Variants in UNC5B observed in about 807,000 individuals in gnomAD.
UNC5B encodes the protein unc-5 netrin receptor B, also known as netrin receptor UNC5B.
A neutral mutation model predicts 103.7 loss-of-function variants in UNC5B; 56 were observed. The observed-to-expected ratio is 0.54, with a 90% CI of 0.44 to 0.67. The LOEUF is 0.67. UNC5B is among the 30% of genes least tolerant of loss of function. The pLI, the probability that UNC5B is intolerant of heterozygous loss-of-function variation, is 0.00. For missense variants in UNC5B, 1,194 were observed against 1,284.5 expected, an observed-to-expected ratio of 0.93 and a Z score of 1.08; for synonymous variants, 577 against 542.0, an observed-to-expected ratio of 1.06 and a Z score of -0.90.
At chr10:71,255,600 C>T (rs1844272669) in intron 1 of UNC5B, among the ~76,000 whole-genome samples, 3 of 152,188 alleles carry the variant, frequency 2.0e-5, no homozygotes, top group South Asian at 4.1e-4. Flanking sequence ...TCGTAATTAG[C>T]GCCATCCATC....
In UNC5B at chr10:71,258,120, G is replaced by A. The variant is rs141955367; in HGVS notation, c.80-21701G>A. 2.4e-3 allele frequency among the ~76,000 whole-genome samples: 361 copies of A among 152,322 alleles called. 1 individual carries two copies. Among genetic ancestry groups the A allele is most frequent in the African/African-American group, 8.0e-3 (331 of 41,560 alleles). On this transcript the variant is annotated intron_variant, in intron 1 of 16. Transcript: ENST00000335350. ...GGGACTGTTAGCCCATTTTACAGGC[G>A]GAGAAACCAAGGCCAGGGAGACAAA...
chr10:71,215,361 T>G (rs987760764), intron 1 of UNC5B, among the ~76,000 whole-genome samples: 1 of 152,012 alleles, frequency 6.6e-6, no homozygotes, highest in African/African-American at 2.4e-5. Context: ...GCCATGAGAC[T>G]CATAACAGAC....
chr10:71,241,267 G>A (rs1843894432), intron 1 of UNC5B, among the ~76,000 whole-genome samples: 1 of 152,156 alleles, frequency 6.6e-6, no homozygotes, highest in South Asian at 2.1e-4. Context: ...TGCCTAAGCA[G>A]GCCTGAGAAG....
chr10:71,251,978 C>T (rs184962551), intron 1 of UNC5B, among the ~76,000 whole-genome samples: 23 of 152,280 alleles, frequency 1.5e-4, no homozygotes, highest in African/African-American at 4.3e-4. Flanking sequence ...AAATGAAGTG[C>T]TGTGTAATGT....
intron 8 of UNC5B, among the ~76,000 whole-genome samples, chr10:71,290,112 T>A (rs1227050509): frequency 6.6e-6 from 1 of 152,252 alleles, no homozygotes; most frequent in Non-Finnish European, 1.5e-5. Flanking sequence ...ATTAAATAAA[T>A]TTTTAAATTC....
chr10:71,238,967 G>T (rs1394281788), intron 1 of UNC5B, among the ~76,000 whole-genome samples: 1 of 152,116 alleles, frequency 6.6e-6, no homozygotes, highest in Non-Finnish European at 1.5e-5. Flanking sequence ...TTTAGACGAG[G>T]GAGTTAAGGC....
chr10:71,248,819 G>A (rs182954402), intron 1 of UNC5B, among the ~76,000 whole-genome samples: 78 of 151,522 alleles, frequency 5.1e-4, no homozygotes, highest in African/African-American at 1.8e-3. Context: ...GCACACTGAA[G>A]CAGTGGGTAC....
rs548917071 is a variant in UNC5B at position 71,279,909 on chromosome 10, C to G, written c.168C>G (p.Asp56Glu). 6.2e-7 allele frequency: 1 copy of G among 1,613,990 alleles called. No homozygotes were observed. Among genetic ancestry groups the G allele is most frequent in the Non-Finnish European group, 8.5e-7 (1 of 1,180,010 alleles). The change falls in exon 2 of 17, where the codon GAC becomes GAG. Residue 56 changes from aspartate (D) to glutamate (E), a missense_variant. Transcript: ENST00000335350. ...PLPYFLQEPQDAYIVKNKPVE... is the reference protein window; with the variant it reads ...PLPYFLQEPQEAYIVKNKPVE... ...CCTACTTCCTGCAGGAGCCACAGGA[C>G]GCCTACATTGTGAAGAACAAGCCTG... is the stretch of plus-strand genomic sequence containing the variant.
intron 1 of UNC5B, among the ~76,000 whole-genome samples, chr10:71,219,392 G>T (rs752477300): frequency 6.6e-5 from 10 of 152,138 alleles, no homozygotes; most frequent in Non-Finnish European, 1.3e-4. Context: ...TTCCAAAACC[G>T]AAGAACTTCT....
At position 71,296,682 on chromosome 10, in the gene UNC5B, C is replaced by G; in HGVS notation, c.2430C>G (p.Ile810Met). 6.2e-7 allele frequency: 1 copy of G among 1,614,184 alleles called. No homozygotes were observed. The highest frequency in any genetic ancestry group is 2.2e-5 in the East Asian group (1 of 44,876). ...CCTCCACAGAGCTCACCTGCAAGATCTGCGTGCGGCAAGTGGAAGGGGAGG... is the reference window on the plus strand; with the variant it reads ...CCTCCACAGAGCTCACCTGCAAGATGTGCGTGCGGCAAGTGGAAGGGGAGG... ...SLASTELTCK[I>M]CVRQVEGEGQ... Residue 810 changes from isoleucine to methionine, a missense_variant, in exon 15 of 17, where the codon ATC (isoleucine) becomes ATG (methionine). Physicochemically the swap from Ile to Met is conservative, Grantham distance 10. Transcript: ENST00000335350.
At chr10:71,296,105 C>T (rs1250048127) in intron 14 of UNC5B, 145 bp downstream of exon 14, 1 of 1,230,976 alleles carries the variant, frequency 8.1e-7, no homozygotes, top group Non-Finnish European at 1.1e-6. Context: ...CCTCCCACCC[C>T]AGTCTCTAGG....
chr10:71,269,285 A>T, intron 1 of UNC5B, among the ~76,000 whole-genome samples: 1 of 150,410 alleles, frequency 6.6e-6, no homozygotes. Context: ...CTACCTTTGT[A>T]ATCAGAATAA....
chr10:71,215,201 T>C (rs890705088), intron 1 of UNC5B, among the ~76,000 whole-genome samples: 1 of 152,192 alleles, frequency 6.6e-6, no homozygotes, highest in African/African-American at 2.4e-5. Context: ...ATTTCACTGA[T>C]GGGGAAAATC....
At chr10:71,281,296 G>A (rs1296682208) in intron 2 of UNC5B, among the ~76,000 whole-genome samples, 1 of 151,978 alleles carries the variant, frequency 6.6e-6, no homozygotes. Flanking sequence ...TTAAACAATA[G>A]ATTTGGAGTC....
chr10:71,291,732 A>T lies in UNC5B; in HGVS notation c.1595A>T (p.Gln532Leu). 1 of 1,611,898 alleles carries T rather than the reference A, an allele frequency of 6.2e-7. No individual in the cohort carries two copies. Among genetic ancestry groups the T allele is most frequent in the Non-Finnish European group, 8.5e-7 (1 of 1,179,942 alleles). The change falls in exon 10 of 17, where the codon CAG becomes CTG. Residue 532 changes from glutamine (Q) to leucine (L), a missense_variant. By Grantham distance (113) the Gln-to-Leu change is moderately radical. Coordinates refer to ENST00000335350, the MANE Select transcript of UNC5B (RefSeq NM_170744.5). The part of the protein sequence containing the change: ...LHLRSASLGS[Q>L]QLLGLPRDPG... ...CTGCGCAGCGCCAGCCTCGGTTCCC[A>T]GCAGCTCTTGGGCCTGCCCCGAGAC... is the stretch of plus-strand genomic sequence containing the variant.
chr10:71,253,166 TC>T (rs1357557593), intron 1 of UNC5B, among the ~76,000 whole-genome samples: 1 of 147,324 alleles, frequency 6.8e-6, no homozygotes, highest in Non-Finnish European at 1.5e-5. Flanking sequence ...TTCTCACACT[TC>T]CTTGCTGCAG....
chr10:71,285,661 A>G (rs1348381886), intron 4 of UNC5B, among the ~76,000 whole-genome samples: 1 of 152,168 alleles, frequency 6.6e-6, no homozygotes, highest in Non-Finnish European at 1.5e-5. Context: ...TGGGGTGGCT[A>G]AGGCAGAAAT....
intron 1 of UNC5B, among the ~76,000 whole-genome samples, chr10:71,266,135 T>C (rs530141990): frequency 2.2e-4 from 34 of 152,108 alleles, no homozygotes; most frequent in Non-Finnish European, 4.9e-4. Flanking sequence ...AGAAGGGAAC[T>C]GACAAACTTA....
Position 71,287,737 on chromosome 10 carries a change from G to A in UNC5B, c.873G>A (p.Gln291=), listed in dbSNP as rs1243191923. The A allele has an allele frequency of 1.9e-6, 3 of 1,613,062 alleles. No individual in the cohort carries two copies. Among genetic ancestry groups the A allele is most frequent in the Admixed American group, 3.3e-5 (2 of 59,900 alleles). Residue 291 remains glutamine (Q), a synonymous_variant, in exon 6 of 17, where the codon CAG becomes CAA. Transcript: ENST00000335350. The stretch of plus-strand genomic sequence containing the variant: ...CCTTCTGCGAGGGCCAGGCATTCCA[G>A]AAGACCGCCTGCACCACCATCTGCC... ...GGAFCEGQAF[Q]KTACTTICPV...
Sources: gnomAD v4.1 joint callset for allele counts (sites outside exome capture counted in the v4.1 genomes callset) on GRCh38, gnomAD v4.1.1 for gene constraint, MANE v1.5 for transcripts, NCBI Gene and HGNC (gene_info 2026-07-23, HGNC 2026-07-21) for gene names.